AFF3: variants seen among roughly 807,000 people sequenced by gnomAD.
AFF3 encodes ALF transcription elongation factor 3.
In AFF3, 32 loss-of-function variants were observed where a neutral mutation model predicts 129.7. That is an observed-to-expected ratio of 0.25 (90% CI 0.19 to 0.33). The LOEUF (loss-of-function observed/expected upper bound fraction) is 0.33, where lower values mean the gene tolerates loss of function less well. Ranked by LOEUF, AFF3 falls within the 10% of genes least tolerant of loss-of-function variation. The pLI is 1.00. For synonymous variants in AFF3, 644 were observed against 635.4 expected (o/e 1.01, Z -0.20); for missense variants, 1,373 against 1,592.0 (o/e 0.86, Z 2.34).
chr2:99,951,588 A>T (rs892197693), intron 7 of AFF3, among the ~76,000 whole-genome samples: 3 of 152,246 alleles, frequency 2.0e-5, no homozygotes, highest in Non-Finnish European at 2.9e-5. Context: ...ATGTTTGAGA[A>T]GGAACCAGTT....
rs951011245 is a variant in AFF3 at position 99,956,051 on chromosome 2, A to C, written c.873+50581T>G. Among the ~76,000 whole-genome samples the C allele has an allele frequency of 4.6e-5, 7 of 152,276 alleles. No homozygotes were observed. In the East Asian group the frequency reaches 1.2e-3, roughly 25 times the overall value. On this transcript the variant is annotated intron_variant, in intron 7 of 24. Transcript: ENST00000672756. ...TCAGAAAGGAAAAATAAAAGCAGAA[A>C]AACTGAGAACTGTGTGTGGAGAACA...
intron 2 of AFF3, among the ~76,000 whole-genome samples, chr2:100,110,643 G>C (rs915889166): frequency 3.9e-5 from 6 of 152,232 alleles, no homozygotes; most frequent in Non-Finnish European, 7.3e-5. Context: ...TCAGGTACAG[G>C]CATCTCCCAC....
intron 8 of AFF3, among the ~76,000 whole-genome samples, chr2:99,797,119 C>A (rs903240185): frequency 2.6e-5 from 4 of 152,224 alleles, no homozygotes; most frequent in African/African-American, 4.8e-5. Flanking sequence ...CAAGAAAGTG[C>A]AACCCATAGT....
At chr2:99,913,156 T>C (rs1052734913) in intron 7 of AFF3, among the ~76,000 whole-genome samples, 4 of 152,222 alleles carry the variant, frequency 2.6e-5, no homozygotes, top group Non-Finnish European at 4.4e-5. Flanking sequence ...TATTCAGCTA[T>C]AGCCCCTACT....
chr2:99,794,160 C>T (rs1685404783), intron 8 of AFF3, among the ~76,000 whole-genome samples: 1 of 152,160 alleles, frequency 6.6e-6, no homozygotes, highest in African/African-American at 2.4e-5. Flanking sequence ...TGGTTTTATA[C>T]CCAGAACATG....
At chr2:99,825,528 C>T (rs1688013289) in intron 8 of AFF3, among the ~76,000 whole-genome samples, 1 of 152,182 alleles carries the variant, frequency 6.6e-6, no homozygotes, top group Non-Finnish European at 1.5e-5. Context: ...CCAAGAACTG[C>T]TTTACACAGA....
At chr2:99,723,975 C>A (rs1022791526) in intron 11 of AFF3, among the ~76,000 whole-genome samples, 1 of 152,154 alleles carries the variant, frequency 6.6e-6, no homozygotes, top group African/African-American at 2.4e-5. Context: ...CCTCTCTTTA[C>A]ATCTCCCAGA....
At position 100,104,494 on chromosome 2, in the gene AFF3, C is replaced by G. The variant is rs1175564772; in HGVS notation, c.-40G>C. On this transcript the variant is annotated 5_prime_UTR_variant, in exon 4 of 25. Transcript: ENST00000672756. ...GCGTCGCCGCCGCCGCTACCGCCGC[C>G]GCCGAGGCTCGGGCCGCCCGCGCGC... The G allele has an allele frequency of 1.5e-6, 2 of 1,299,750 alleles. No individual in the cohort carries two copies. The highest frequency in any genetic ancestry group is 5.5e-5 in the Admixed American group (2 of 36,592). 80.5% of individuals were successfully genotyped at this position (1,299,750 alleles called of 1,614,324 possible). A position where few individuals can be genotyped will look rare whatever the true frequency, so the allele number is the denominator to read the frequency against.
At chr2:99,571,914 T>A (rs1032576990) in intron 18 of AFF3, among the ~76,000 whole-genome samples, 1 of 152,210 alleles carries the variant, frequency 6.6e-6, no homozygotes, top group Non-Finnish European at 1.5e-5. Flanking sequence ...GTGACAGTTA[T>A]AGAATATAAT....
intron 11 of AFF3, among the ~76,000 whole-genome samples, chr2:99,683,109 T>A (rs1330075069): frequency 2.0e-5 from 3 of 152,190 alleles, no homozygotes; most frequent in Non-Finnish European, 2.9e-5. Context: ...TGGTTTCTCT[T>A]CTCCAGATCA....
chr2:99,810,143 C>CT (rs1310057323), intron 8 of AFF3, among the ~76,000 whole-genome samples: 1 of 152,180 alleles, frequency 6.6e-6, no homozygotes, highest in South Asian at 2.1e-4. Context: ...ACTCAGGATC[C>CT]TTGGGGGCTT....
chr2:100,137,920 TTCATACTCCACTCCCAGCTG>T (rs1692700814), intron 1 of AFF3, among the ~76,000 whole-genome samples: 1 of 152,166 alleles, frequency 6.6e-6, no homozygotes, highest in Admixed American at 6.5e-5. Flanking sequence ...TTCCTTGGTC[TTCATACTCCACTCCCAGCTG>T]TGGAAGCAAA....
intron 10 of AFF3, 95 bp from the exon 11 acceptor site, chr2:99,727,223 A>G: frequency 8.3e-7 from 1 of 1,205,490 alleles, no homozygotes; most frequent in Non-Finnish European, 1.2e-6. Flanking sequence ...CCTATTAACA[A>G]TCTTTCAAAA....
intron 7 of AFF3, among the ~76,000 whole-genome samples, chr2:99,892,012 C>T (rs772563452): frequency 5.9e-5 from 9 of 152,082 alleles, no homozygotes; most frequent in African/African-American, 1.7e-4. Context: ...TTAGTAGAGA[C>T]AGGGTTTCAC....
chr2:99,953,767 C>T (rs978531353), intron 7 of AFF3, among the ~76,000 whole-genome samples: 1 of 152,168 alleles, frequency 6.6e-6, no homozygotes, highest in African/African-American at 2.4e-5. Flanking sequence ...ATGGCAAGAA[C>T]TGTAGAACCA....
intron 10 of AFF3, among the ~76,000 whole-genome samples, chr2:99,737,580 T>C (rs1450390905): frequency 6.6e-6 from 1 of 152,238 alleles, no homozygotes; most frequent in Non-Finnish European, 1.5e-5. Context: ...TTGTTGAAGA[T>C]ATTAAAGGGT....
intron 4 of AFF3, among the ~76,000 whole-genome samples, chr2:100,013,172 G>A (rs561691684): frequency 7.9e-5 from 12 of 152,128 alleles, no homozygotes; most frequent in East Asian, 7.7e-4. Flanking sequence ...TATAAATTGC[G>A]GTATCTTGTA....
At chr2:100,040,889 T>A (rs1435140919) in intron 4 of AFF3, among the ~76,000 whole-genome samples, 3 of 152,198 alleles carry the variant, frequency 2.0e-5, no homozygotes, top group Non-Finnish European at 4.4e-5. Flanking sequence ...GGGCATATCA[T>A]CCAGGTGGGT....
At chr2:99,826,303 C>G (rs967100925) in intron 8 of AFF3, among the ~76,000 whole-genome samples, 1 of 152,152 alleles carries the variant, frequency 6.6e-6, no homozygotes, top group Non-Finnish European at 1.5e-5. Context: ...CGTGAGCCAC[C>G]CCATCTGGCC....
Sources: allele counts gnomAD v4.1 joint callset (sites outside exome capture counted in the v4.1 genomes callset), GRCh38; gene constraint gnomAD v4.1.1; transcripts MANE v1.5; gene names NCBI Gene and HGNC (gene_info 2026-07-23, HGNC 2026-07-21).